MTCL3: variants seen among roughly 807,000 people sequenced by gnomAD.
MTCL3 encodes the protein MTCL family member 3, also known as microtubule cross-linking factor 3.
the MTCL3 span, among the ~76,000 whole-genome samples, chr6:127,483,255 G>C: frequency 9.6e-3 from 1,459 of 152,220 alleles, 25 homozygotes; most frequent in African/African-American, 0.033. Flanking sequence ...AAAAACAACA[G>C]ACAAAATTGA....
the MTCL3 span, among the ~76,000 whole-genome samples, chr6:127,493,395 A>G: frequency 2.1e-4 from 32 of 152,352 alleles, no homozygotes; most frequent in African/African-American, 7.7e-4. Flanking sequence ...ATGTTGGAAG[A>G]TATGGGAAGG....
the MTCL3 span, among the ~76,000 whole-genome samples, chr6:127,495,479 T>C: frequency 6.6e-6 from 1 of 152,180 alleles, no homozygotes; most frequent in Admixed American, 6.5e-5. Flanking sequence ...TATTCTACAC[T>C]GCATCTCAAC....
At chr6:127,512,147 C>A in the MTCL3 span, among the ~76,000 whole-genome samples, 1 of 152,112 alleles carries the variant, frequency 6.6e-6, no homozygotes, top group Admixed American at 6.5e-5. Context: ...TCTCTTTTCT[C>A]CTCCATTTCT....
the MTCL3 span, among the ~76,000 whole-genome samples, chr6:127,503,275 C>G: frequency 6.6e-6 from 1 of 152,152 alleles, no homozygotes; most frequent in Non-Finnish European, 1.5e-5. Context: ...CCTCTCTGAG[C>G]CTTAGAGTCT....
chr6:127,513,126 A>G, the MTCL3 span: 1 of 1,341,274 alleles, frequency 7.5e-7, no homozygotes, highest in Non-Finnish European at 1.0e-6. Flanking sequence ...TCCTATTGAA[A>G]GCATTAAAAC....
At chr6:127,515,357 C>A in the MTCL3 span, among the ~76,000 whole-genome samples, 86,420 of 151,258 alleles carry the variant, frequency 0.57, 25,974 homozygotes, top group African/African-American at 0.66. This position sits in a 1 kb window ranked among gnomAD's most constrained non-coding sequence, Gnocchi z 4.3. Context: ...ATTCAAATTC[C>A]GGCAAGGCCT....
At chr6:127,514,900 C>G in the MTCL3 span, 2 of 1,613,996 alleles carry the variant, frequency 1.2e-6, no homozygotes, top group Non-Finnish European at 1.7e-6. Flanking sequence ...CTTTTGCGCT[C>G]GGCTTTGCGG....
At chr6:127,513,716 T>C in the MTCL3 span, among the ~76,000 whole-genome samples, 3 of 152,116 alleles carry the variant, frequency 2.0e-5, no homozygotes, top group South Asian at 2.1e-4. Flanking sequence ...AGGACACAGG[T>C]TGTGATTTTG....
chr6:127,478,940 C>T, the MTCL3 span, among the ~76,000 whole-genome samples: 1 of 150,866 alleles, frequency 6.6e-6, no homozygotes, highest in Non-Finnish European at 1.5e-5. Flanking sequence ...TTGCTTGAAC[C>T]CCGGAGGCAG....
chr6:127,481,433 G>A, the MTCL3 span: 1 of 985,302 alleles, frequency 1.0e-6, no homozygotes, highest in Non-Finnish European at 1.2e-6. Context: ...AGACTCTCTG[G>A]GATTCTAAAA....
At chr6:127,499,389 C>T in the MTCL3 span, among the ~76,000 whole-genome samples, 1 of 151,710 alleles carries the variant, frequency 6.6e-6, no homozygotes, top group East Asian at 1.9e-4. Flanking sequence ...AAAATTGATT[C>T]CATAATATTG....
chr6:127,499,107 T>C, the MTCL3 span, among the ~76,000 whole-genome samples: 2 of 152,140 alleles, frequency 1.3e-5, no homozygotes, highest in Admixed American at 6.5e-5. Flanking sequence ...ATCAGGATGA[T>C]TTAAAAAGTC....
the MTCL3 span, chr6:127,476,538 A>G: frequency 8.1e-7 from 1 of 1,241,412 alleles, no homozygotes. The surrounding 1 kb of genome is among the most constrained non-coding windows in gnomAD (Gnocchi z 4.4). Context: ...CAACCAAAAG[A>G]GGACACCTGG....
chr6:127,474,589 C>CT, the MTCL3 span, among the ~76,000 whole-genome samples: 68 of 151,936 alleles, frequency 4.5e-4, no homozygotes, highest in East Asian at 1.2e-3. Context: ...TTTATTCTTT[C>CT]TTTTTTTTGA....
At chr6:127,516,457 G>A in the MTCL3 span, 1 of 1,599,908 alleles carries the variant, frequency 6.3e-7, no homozygotes, top group Middle Eastern at 1.7e-4. Flanking sequence ...GGCCGCGATT[G>A]TCTGTCGCAG....
chr6:127,495,364 T>C, the MTCL3 span, among the ~76,000 whole-genome samples: 4 of 152,126 alleles, frequency 2.6e-5, no homozygotes, highest in Non-Finnish European at 5.9e-5. Flanking sequence ...TAGAAAATTA[T>C]GTCTGGGTGG....
At chr6:127,515,001 G>A in the MTCL3 span, 4 of 1,614,138 alleles carry the variant, frequency 2.5e-6, no homozygotes, top group Non-Finnish European at 3.4e-6. This position sits in a 1 kb window ranked among gnomAD's most constrained non-coding sequence, Gnocchi z 4.3. Context: ...CTCGAAGAAA[G>A]TGTCCCTCAT....
chr6:127,515,062 G>C, the MTCL3 span: 3 of 1,610,616 alleles, frequency 1.9e-6, no homozygotes, highest in East Asian at 4.5e-5. The surrounding 1 kb of genome is among the most constrained non-coding windows in gnomAD (Gnocchi z 4.3). Context: ...GGCGGTGACA[G>C]GCCGCGTGTC....
the MTCL3 span, chr6:127,514,997 G>A: frequency 8.9e-5 from 144 of 1,614,080 alleles, no homozygotes; most frequent in Non-Finnish European, 1.1e-4. Flanking sequence ...CCTCCTCGAA[G>A]AAAGTGTCCC....
Sources: allele counts gnomAD v4.1 joint callset (sites outside exome capture counted in the v4.1 genomes callset), GRCh38; gene constraint gnomAD v4.1.1; non-coding constraint Gnocchi (gnomAD v3.1); transcripts MANE v1.5; gene names NCBI Gene and HGNC (gene_info 2026-07-23, HGNC 2026-07-21).